The following NOM1 variants were observed in gnomAD, a reference collection of about 807,000 sequenced individuals.
NOM1 encodes nucleolar MIF4G domain-containing protein 1.
In NOM1, 58 loss-of-function variants were observed where a neutral mutation model predicts 73.3. The ratio of observed to expected loss-of-function variants is 0.79; its 90% CI spans 0.64 to 0.99. The LOEUF is 0.99. Among genes scored for constraint, NOM1 ranks in the 50% least tolerant of loss-of-function variants. The pLI is 0.00. For synonymous variants in NOM1, 487 were observed against 446.8 expected (o/e 1.09, Z -1.14); for missense variants, 1,226 against 1,131.9 (o/e 1.08, Z -1.19).
rs750855725 is a variant in NOM1, at chr7:156,950,530, G to A, written c.793G>A (p.Gly265Arg). 5.6e-6 allele frequency: 9 copies of A among 1,613,892 alleles called. No individual in the cohort carries two copies. The highest frequency in any genetic ancestry group is 7.6e-6 in the Non-Finnish European group (9 of 1,179,934). Residue 265 changes from glycine to arginine, a missense_variant, in exon 1 of 11, where the codon GGA becomes AGA. Coordinates refer to ENST00000275820, the MANE Select transcript of NOM1 (RefSeq NM_138400.2). ...SQDESEEEEE[G>R]DVEKEKKAQE... ...GGACGAAAGTGAGGAGGAGGAGGAG[G>A]GAGACGTAGAAAAGGAAAAGAAGGC...
At position 156,949,962 on chromosome 7, in the gene NOM1, C is replaced by T. The variant is rs1804534030; in HGVS notation, c.225C>T (p.Arg75=). Residue 75 remains arginine, a synonymous_variant, in exon 1 of 11, where the codon CGC becomes CGT. Coordinates refer to ENST00000275820, the MANE Select transcript of NOM1 (RefSeq NM_138400.2). ...CEGRGAPVSF[R]PGGRKSRKEL... is the part of the protein sequence containing the mutation. Reference sequence around the variant, plus strand: ...GGCGCGGCGCCCCGGTGAGCTTTCGCCCGGGAGGGAGAAAAAGCCGTAAGG... The same window carrying T: ...GGCGCGGCGCCCCGGTGAGCTTTCGTCCGGGAGGGAGAAAAAGCCGTAAGG... The T allele has an allele frequency of 2.6e-6, 4 of 1,540,982 alleles. No individual in the cohort carries two copies. The highest frequency in any genetic ancestry group is 3.5e-6 in the Non-Finnish European group (4 of 1,146,578).
chr7:156,963,857 GT>G, intron 6 of NOM1, 47 bp from the exon 7 acceptor site: 1 of 1,586,036 alleles, frequency 6.3e-7, no homozygotes, highest in Non-Finnish European at 8.6e-7. Context: ...TCGGGAGGCA[GT>G]TTGCATGGAG....
chr7:156,950,741 C>G lies in NOM1; in HGVS notation c.987+17C>G. ...ACGGATAAGGTATCGTGTGAACACT[C>G]TCTAGGCCCTCTGGGATTTCCTTCA... On this transcript the variant is annotated intron_variant, in intron 1 of 10. Coordinates refer to ENST00000275820, the MANE Select transcript of NOM1 (RefSeq NM_138400.2). 2 of 1,529,306 alleles carry G rather than the reference C, an allele frequency of 1.3e-6. No individual in the cohort carries two copies. The highest frequency in any genetic ancestry group is 8.8e-7 in the Non-Finnish European group (1 of 1,135,090). 94.7% of individuals were successfully genotyped at this position (1,529,306 alleles called of 1,614,324 possible). A position where few individuals can be genotyped will look rare whatever the true frequency, so the allele number is the denominator to read the frequency against.
rs567709326 is a variant in NOM1, at chr7:156,969,216, C to T, written c.2408+20C>T. On this transcript the variant is annotated intron_variant, in intron 10 of 10. Coordinates refer to ENST00000275820, the MANE Select transcript of NOM1 (RefSeq NM_138400.2). Reference sequence around the variant, plus strand: ...CACAAGGTATGTGCCCCACCCTTTCCGACGAGACATGGAAGAGAAATGAAG... The same window carrying T: ...CACAAGGTATGTGCCCCACCCTTTCTGACGAGACATGGAAGAGAAATGAAG... 31 of 1,231,328 alleles carry T rather than the reference C, an allele frequency of 2.5e-5. No individual in the cohort carries two copies. The Admixed American group carries it at 2.9e-4, about 12-fold the overall frequency. 76.3% of individuals were successfully genotyped at this position (1,231,328 alleles called of 1,614,324 possible).
chr7:156,962,971 A>G, intron 5 of NOM1, 37 bp from the exon 6 acceptor site: 1 of 1,595,018 alleles, frequency 6.3e-7, no homozygotes, highest in Non-Finnish European at 8.6e-7. Flanking sequence ...ATATGAACCA[A>G]TTAAAAGCAT....
chr7:156,969,308 G>A (rs1009787723), intron 10 of NOM1, 112 bp downstream of exon 10: 6 of 770,508 alleles, frequency 7.8e-6, no homozygotes, highest in Middle Eastern at 2.4e-4. Flanking sequence ...TAATCTTTTC[G>A]GTTTTATTTT....
intron 2 of NOM1, among the ~76,000 whole-genome samples, 182 bp from the exon 3 acceptor site, chr7:156,953,918 ATAT>A (rs1290339147): frequency 7.2e-5 from 11 of 152,318 alleles, no homozygotes; most frequent in African/African-American, 2.6e-4. Context: ...GGATTCCAGA[ATAT>A]TATCTGGTTA....
Position 156,950,167 on chromosome 7 carries a change from C to A in NOM1, c.430C>A (p.Pro144Thr). The A allele has an allele frequency of 6.3e-7, 1 of 1,598,124 alleles. No individual in the cohort carries two copies. The highest frequency in any genetic ancestry group is 8.5e-7 in the Non-Finnish European group (1 of 1,175,274). ...TCGGGACCCCTCGCCTCCCAGGAAG[C>A]CGCGGCCGTCCCGGGTCAAGGCCAA... ...PSRDPSPPRK[P>T]RPSRVKAKAT... The change falls in exon 1 of 11, where the codon CCG becomes ACG. Residue 144 changes from proline (P) to threonine (T), a missense_variant. Physicochemically the swap from Pro to Thr is conservative, Grantham distance 38. Coordinates refer to ENST00000275820, the MANE Select transcript of NOM1 (RefSeq NM_138400.2).
rs758702897 is a variant in NOM1, at chr7:156,950,587, G to A, written c.850G>A (p.Asp284Asn). ...QEAEAQSEDD[D>N]EDTEEEQGEE... is the part of the protein sequence containing the mutation. ...AGCAGAAGCGCAGAGCGAGGACGAC[G>A]ACGAGGATACAGAAGAGGAACAGGG... The change falls in exon 1 of 11, where the codon GAC becomes AAC. Residue 284 changes from aspartate to asparagine, a missense_variant. By Grantham distance (23) the Asp-to-Asn change is conservative. Coordinates refer to ENST00000275820, the MANE Select transcript of NOM1 (RefSeq NM_138400.2). 5 of 1,593,306 alleles carry A rather than the reference G, an allele frequency of 3.1e-6. No individual in the cohort carries two copies. In the East Asian group the frequency reaches 1.1e-4, roughly 36 times the overall value.
rs978751180 is a variant in NOM1 at position 156,949,968 on chromosome 7, A to C, written c.231A>C (p.Gly77=). 3 of 1,540,490 alleles carry C rather than the reference A, an allele frequency of 1.9e-6. No homozygotes were observed. In the African/African-American group the frequency reaches 4.1e-5, roughly 21 times the overall value. Residue 77 remains glycine (G), a synonymous_variant, in exon 1 of 11, where the codon GGA becomes GGC. Coordinates refer to ENST00000275820, the MANE Select transcript of NOM1 (RefSeq NM_138400.2). ...GRGAPVSFRP[G]GRKSRKELRK... ...GCGCCCCGGTGAGCTTTCGCCCGGG[A>C]GGGAGAAAAAGCCGTAAGGAACTGA...
chr7:156,968,969 C>A (rs377333084), intron 9 of NOM1, 118 bp from the exon 10 acceptor site: 2 of 653,102 alleles, frequency 3.1e-6, no homozygotes, highest in East Asian at 5.6e-5. Context: ...CTTCTTAAAT[C>A]GGGTAGAGTG....
intron 7 of NOM1, among the ~76,000 whole-genome samples, chr7:156,965,115 G>A (rs570910800): frequency 2.6e-5 from 4 of 152,230 alleles, no homozygotes; most frequent in African/African-American, 7.2e-5. Flanking sequence ...CGCCGCCTGC[G>A]CTGCCTTCAC....
At chr7:156,950,876 T>C in intron 1 of NOM1, 152 bp downstream of exon 1, 1 of 707,766 alleles carries the variant, frequency 1.4e-6, no homozygotes. Context: ...CTATTCGGTC[T>C]TCTTTCATGT....
Position 156,949,907 on chromosome 7 carries a change from C to T in NOM1, c.170C>T (p.Ser57Leu). Residue 57 changes from serine to leucine, a missense_variant, in exon 1 of 11, where the codon TCG (serine) becomes TTG (leucine). Coordinates refer to ENST00000275820, the MANE Select transcript of NOM1 (RefSeq NM_138400.2). The stretch of plus-strand genomic sequence containing the variant: ...GTGGAGGAGTTCGTGCACGCGACTT[C>T]GGAAGGCGAGGCTCCCGGGGGTTGC... ...LAVEEFVHATSEGEAPGGCEG... is the reference protein window; with the variant it reads ...LAVEEFVHATLEGEAPGGCEG... The T allele has an allele frequency of 1.3e-6, 2 of 1,540,304 alleles. No individual in the cohort carries two copies. The highest frequency in any genetic ancestry group is 8.7e-7 in the Non-Finnish European group (1 of 1,143,812).
intron 9 of NOM1, among the ~76,000 whole-genome samples, chr7:156,967,637 G>T (rs1805032170): frequency 6.6e-6 from 1 of 152,162 alleles, no homozygotes; most frequent in Admixed American, 6.5e-5. Context: ...CGATTCTCCT[G>T]CCTCAGCCTC....
At chr7:156,967,542 T>TCCC (rs55907527) in intron 9 of NOM1, among the ~76,000 whole-genome samples, 1 of 151,206 alleles carries the variant, frequency 6.6e-6, no homozygotes, top group East Asian at 1.9e-4. Context: ...TCTTTTTTCT[T>TCCC]CCCCCCCCAA....
At chr7:156,951,837 G>A (rs1804600139) in intron 1 of NOM1, among the ~76,000 whole-genome samples, 2 of 151,762 alleles carry the variant, frequency 1.3e-5, no homozygotes, top group African/African-American at 4.8e-5. Context: ...CTCCCAAGTA[G>A]CTGGGACTAC....
At chr7:156,961,547 A>T (rs1804864263) in intron 4 of NOM1, among the ~76,000 whole-genome samples, 1 of 152,102 alleles carries the variant, frequency 6.6e-6, no homozygotes, top group Non-Finnish European at 1.5e-5. Context: ...GTGATGAGAA[A>T]GTTCTGAAAT....
chr7:156,950,949 G>T (rs565632756), intron 1 of NOM1, among the ~76,000 whole-genome samples: 134 of 152,192 alleles, frequency 8.8e-4, no homozygotes, highest in African/African-American at 3.0e-3. Flanking sequence ...TTATCCCGGG[G>T]ACTTAAGGGC....
Sources: allele counts gnomAD v4.1 joint callset (sites outside exome capture counted in the v4.1 genomes callset), GRCh38; gene constraint gnomAD v4.1.1; transcripts MANE v1.5; gene names NCBI Gene and HGNC (gene_info 2026-07-23, HGNC 2026-07-21).